Variants in AKAP19 observed in about 807,000 individuals in gnomAD.
The protein encoded by AKAP19 is A-kinase anchoring protein 19.
chr2:190,147,818 G>C, the AKAP19 span, among the ~76,000 whole-genome samples: 2 of 151,928 alleles, frequency 1.3e-5, no homozygotes, highest in Non-Finnish European at 2.9e-5. Flanking sequence ...CTTGGTTGCT[G>C]TTGGCGTATA....
At chr2:190,067,854 A>T in the AKAP19 span, among the ~76,000 whole-genome samples, 1 of 152,156 alleles carries the variant, frequency 6.6e-6, no homozygotes, top group Non-Finnish European at 1.5e-5. Context: ...AAAATTTATC[A>T]TAGAAAATAA....
the AKAP19 span, among the ~76,000 whole-genome samples, chr2:189,975,891 T>G: frequency 2.6e-5 from 4 of 152,316 alleles, no homozygotes; most frequent in Admixed American, 1.3e-4. Flanking sequence ...CGTCTAATCT[T>G]TTTTCAAGGT....
chr2:189,903,782 T>G, the AKAP19 span, among the ~76,000 whole-genome samples: 1 of 151,960 alleles, frequency 6.6e-6, no homozygotes, highest in Admixed American at 6.6e-5. Context: ...TTCCAACCCA[T>G]GTTCCCCCAC....
chr2:190,152,130 C>A, the AKAP19 span, among the ~76,000 whole-genome samples: 1 of 152,038 alleles, frequency 6.6e-6, no homozygotes, highest in Non-Finnish European at 1.5e-5. Context: ...TTGAGACCAG[C>A]CTGGGCAACA....
the AKAP19 span, among the ~76,000 whole-genome samples, chr2:190,120,727 G>T: frequency 2.6e-5 from 4 of 152,152 alleles, no homozygotes; most frequent in Non-Finnish European, 5.9e-5. Context: ...AGTTTTGACA[G>T]AATTTTTTGA....
At chr2:190,005,821 C>G in the AKAP19 span, among the ~76,000 whole-genome samples, 1 of 152,134 alleles carries the variant, frequency 6.6e-6, no homozygotes, top group Non-Finnish European at 1.5e-5. Flanking sequence ...AAATATTTTT[C>G]AGTGTTTGTG....
At chr2:189,915,638 G>T in the AKAP19 span, among the ~76,000 whole-genome samples, 8 of 152,066 alleles carry the variant, frequency 5.3e-5, no homozygotes, top group South Asian at 2.1e-4. Context: ...AATTTCACCA[G>T]ATGGTTACTT....
At chr2:189,909,464 T>C in the AKAP19 span, among the ~76,000 whole-genome samples, 1 of 152,060 alleles carries the variant, frequency 6.6e-6, no homozygotes, top group Non-Finnish European at 1.5e-5. Context: ...TGGTGATTTG[T>C]TAATTTTCTC....
the AKAP19 span, among the ~76,000 whole-genome samples, chr2:189,957,203 C>T: frequency 6.6e-6 from 1 of 152,066 alleles, no homozygotes; most frequent in Non-Finnish European, 1.5e-5. Flanking sequence ...AAAAGTAATC[C>T]ATGCTCACGA....
chr2:189,955,478 C>A, the AKAP19 span, among the ~76,000 whole-genome samples: 1 of 152,000 alleles, frequency 6.6e-6, no homozygotes, highest in South Asian at 2.1e-4. Context: ...TGGGTAGGTA[C>A]CCAGTAGTGG....
the AKAP19 span, among the ~76,000 whole-genome samples, chr2:190,006,396 C>G: frequency 6.6e-6 from 1 of 152,070 alleles, no homozygotes; most frequent in East Asian, 1.9e-4. Context: ...GCCTGTAATC[C>G]CAGCACTTTG....
the AKAP19 span, among the ~76,000 whole-genome samples, chr2:189,934,420 T>C: frequency 6.6e-6 from 1 of 152,068 alleles, no homozygotes; most frequent in Non-Finnish European, 1.5e-5. Context: ...TTTTGGTTCA[T>C]GCATTGTTAA....
At chr2:189,929,864 A>C in the AKAP19 span, among the ~76,000 whole-genome samples, 2 of 152,228 alleles carry the variant, frequency 1.3e-5, no homozygotes, top group African/African-American at 4.8e-5. Flanking sequence ...TGCCAGTAAC[A>C]TCAGAAAAGA....
At chr2:189,909,046 G>T in the AKAP19 span, among the ~76,000 whole-genome samples, 2 of 151,962 alleles carry the variant, frequency 1.3e-5, no homozygotes, top group Admixed American at 1.3e-4. Flanking sequence ...CCAATGTTGG[G>T]TGCATGTATA....
the AKAP19 span, among the ~76,000 whole-genome samples, chr2:190,062,000 C>G: frequency 6.6e-6 from 1 of 151,984 alleles, no homozygotes; most frequent in Non-Finnish European, 1.5e-5. Flanking sequence ...TATGCAAGTA[C>G]TTTATTTTTT....
At chr2:190,145,519 A>T in the AKAP19 span, among the ~76,000 whole-genome samples, 1 of 152,200 alleles carries the variant, frequency 6.6e-6, no homozygotes, top group African/African-American at 2.4e-5. Context: ...GACCGACTGC[A>T]TATACTATGG....
At chr2:190,182,491 A>G in the AKAP19 span, among the ~76,000 whole-genome samples, 1 of 152,168 alleles carries the variant, frequency 6.6e-6, no homozygotes, top group South Asian at 2.1e-4. Flanking sequence ...TACTTTGTCT[A>G]ACCCTAGGGT....
At chr2:190,069,136 A>ATGTG in the AKAP19 span, among the ~76,000 whole-genome samples, 1,789 of 127,642 alleles carry the variant, frequency 0.014, 24 homozygotes, top group Admixed American at 0.018. Context: ...GTGCATGCAT[A>ATGTG]TGTGTGTGTG....
chr2:190,163,208 G>C, the AKAP19 span, among the ~76,000 whole-genome samples: 1 of 151,418 alleles, frequency 6.6e-6, no homozygotes, highest in Non-Finnish European at 1.5e-5. Flanking sequence ...GCCGAGACGG[G>C]CGGATCACGA....
Sources: gnomAD v4.1 joint callset for allele counts (sites outside exome capture counted in the v4.1 genomes callset) on GRCh38, gnomAD v4.1.1 for gene constraint, MANE v1.5 for transcripts, NCBI Gene and HGNC (gene_info 2026-07-23, HGNC 2026-07-21) for gene names.